MICAL3: variants seen among roughly 807,000 people sequenced by gnomAD.
MICAL3 encodes the protein microtubule associated monooxygenase, calponin and LIM domain containing 3, also known as [F-actin]-monooxygenase MICAL3.
In MICAL3, 62 loss-of-function variants were observed where a neutral mutation model predicts 207.4. The observed-to-expected ratio is 0.30, with a 90% CI of 0.24 to 0.37. The LOEUF (loss-of-function observed/expected upper bound fraction) is 0.37, where lower values mean the gene tolerates loss of function less well. Among genes scored for constraint, MICAL3 ranks in the 10% least tolerant of loss-of-function variants. MICAL3 has a pLI of 1.00. For synonymous variants in MICAL3, 1,077 were observed against 1,069.3 expected, an observed-to-expected ratio of 1.01 and a Z score of -0.14; for missense variants, 2,368 against 2,635.6, an observed-to-expected ratio of 0.90 and a Z score of 2.22.
chr22:17,862,081 G>A (rs1174295628), intron 19 of MICAL3: 4 of 985,442 alleles, frequency 4.1e-6, no homozygotes, highest in Non-Finnish European at 4.8e-6. Context: ...TACCAGCCCT[G>A]CCTCCTGGGA....
At chr22:17,924,554 T>C (rs1477316508) in intron 1 of MICAL3, among the ~76,000 whole-genome samples, 1 of 152,190 alleles carries the variant, frequency 6.6e-6, no homozygotes. Flanking sequence ...CAATGGAGCA[T>C]TTCTGATGGC....
chr22:17,835,439 A>C (rs1180290998), intron 20 of MICAL3, among the ~76,000 whole-genome samples: 1 of 152,180 alleles, frequency 6.6e-6, no homozygotes, highest in Non-Finnish European at 1.5e-5. Context: ...TTTTCAAAGG[A>C]CTAGGGCAGT....
At chr22:18,011,286 C>T (rs1332064852) in intron 1 of MICAL3, among the ~76,000 whole-genome samples, 1 of 152,244 alleles carries the variant, frequency 6.6e-6, no homozygotes, top group Non-Finnish European at 1.5e-5. Context: ...TGGCTCATGC[C>T]TGTAATCCCA....
intron 1 of MICAL3, among the ~76,000 whole-genome samples, chr22:17,922,636 G>A (rs1932827639): frequency 6.6e-6 from 1 of 152,176 alleles, no homozygotes. Context: ...AGGCTTCTTA[G>A]AGATGCAAAT....
chr22:17,968,310 C>T (rs1935245121), intron 1 of MICAL3, among the ~76,000 whole-genome samples: 1 of 152,058 alleles, frequency 6.6e-6, no homozygotes, highest in Non-Finnish European at 1.5e-5. Flanking sequence ...AGCAACCTTG[C>T]CAGAGCTCAG....
rs796766103 is a variant in MICAL3, at chr22:17,877,532, G to T, written c.2242-5509C>A. ...AGGTTAGGGAGGTTAGGGAGGTGAGGGAGGTTATGGAGGTGAGGGAGGTTA... is the reference window on the plus strand; with the variant it reads ...AGGTTAGGGAGGTTAGGGAGGTGAGTGAGGTTATGGAGGTGAGGGAGGTTA... On this transcript the variant is annotated intron_variant, in intron 16 of 31. Coordinates refer to ENST00000441493, the MANE Select transcript of MICAL3 (RefSeq NM_015241.3). 2.4e-4 allele frequency among the ~76,000 whole-genome samples: 34 copies of T among 144,506 alleles called. No individual in the cohort carries two copies. In the South Asian group the frequency reaches 5.9e-3, roughly 25 times the overall value. The allele number at this position is 144,506 out of a possible 152,430, so 94.8% of individuals were successfully genotyped here.
intron 1 of MICAL3, among the ~76,000 whole-genome samples, chr22:17,996,537 A>G (rs1309233964): frequency 6.6e-6 from 1 of 151,976 alleles, no homozygotes; most frequent in East Asian, 1.9e-4. Context: ...ATAGCTAGAG[A>G]TGACTAAAGC....
intron 19 of MICAL3, chr22:17,860,781 C>G: frequency 1.0e-6 from 1 of 984,474 alleles, no homozygotes; most frequent in African/African-American, 1.8e-5. Flanking sequence ...CACCCACCCA[C>G]TCACCTCCTT....
At chr22:17,884,221 G>A in intron 16 of MICAL3, 1 of 1,274,434 alleles carries the variant, frequency 7.8e-7, no homozygotes, top group Non-Finnish European at 1.1e-6. Context: ...TCAGGAGGAG[G>A]GGTAGGAAGG....
chr22:17,884,208 G>A (rs1055176585), intron 16 of MICAL3: 1 of 1,094,068 alleles, frequency 9.1e-7, no homozygotes, highest in South Asian at 1.5e-5. Flanking sequence ...AACCCTGGCT[G>A]GCTCAGGAGG....
At chr22:17,797,586 G>A (rs939325312) in intron 29 of MICAL3, among the ~76,000 whole-genome samples, 1 of 152,192 alleles carries the variant, frequency 6.6e-6, no homozygotes, top group African/African-American at 2.4e-5. Flanking sequence ...AATCTGTGTG[G>A]CGGTGGGTGC....
At chr22:17,844,998 C>T (rs1924482658) in intron 19 of MICAL3, among the ~76,000 whole-genome samples, 1 of 152,130 alleles carries the variant, frequency 6.6e-6, no homozygotes, top group African/African-American at 2.4e-5. Flanking sequence ...TGGCGGCCAC[C>T]CCATAATGAA....
At chr22:17,959,194 T>G (rs1934782758) in intron 1 of MICAL3, among the ~76,000 whole-genome samples, 1 of 150,862 alleles carries the variant, frequency 6.6e-6, no homozygotes, top group South Asian at 2.1e-4. Flanking sequence ...TTTTTGCATT[T>G]TTAGTAGAGA....
chr22:17,862,950 G>A, intron 19 of MICAL3: 1 of 985,342 alleles, frequency 1.0e-6, no homozygotes, highest in Non-Finnish European at 1.2e-6. Context: ...GTCACCTTCT[G>A]GCTCAGAATC....
At chr22:17,999,029 G>C (rs1922633093) in intron 1 of MICAL3, among the ~76,000 whole-genome samples, 1 of 152,192 alleles carries the variant, frequency 6.6e-6, no homozygotes, top group Non-Finnish European at 1.5e-5. Flanking sequence ...CCAGTTCAGA[G>C]GCACGGCCCA....
At chr22:17,912,950 C>A (rs1386079285) in intron 1 of MICAL3, among the ~76,000 whole-genome samples, 1 of 152,166 alleles carries the variant, frequency 6.6e-6, no homozygotes, top group Non-Finnish European at 1.5e-5. Context: ...GAACATAACA[C>A]GTACCATGGT....
chr22:17,990,942 C>A (rs1419496815), intron 1 of MICAL3, among the ~76,000 whole-genome samples: 1 of 152,184 alleles, frequency 6.6e-6, no homozygotes, highest in Non-Finnish European at 1.5e-5. Flanking sequence ...GATTTTCTTG[C>A]CTGCCTGTGC....
chr22:17,895,970 G>A (rs571454775), intron 9 of MICAL3, among the ~76,000 whole-genome samples: 1 of 152,102 alleles, frequency 6.6e-6, no homozygotes, highest in Non-Finnish European at 1.5e-5. Flanking sequence ...GCAGTTTGGT[G>A]TTTTCCTATG....
At chr22:17,977,735 T>C (rs1055171905) in intron 1 of MICAL3, among the ~76,000 whole-genome samples, 1 of 152,024 alleles carries the variant, frequency 6.6e-6, no homozygotes, top group Non-Finnish European at 1.5e-5. Context: ...AATAAAAATA[T>C]ACACCTGGCC....
Sources: allele counts gnomAD v4.1 joint callset (sites outside exome capture counted in the v4.1 genomes callset), GRCh38; gene constraint gnomAD v4.1.1; transcripts MANE v1.5; gene names NCBI Gene and HGNC (gene_info 2026-07-23, HGNC 2026-07-21).